Variants in LRRC36 observed in about 807,000 individuals in gnomAD.
LRRC36 encodes leucine-rich repeat-containing protein 36.
Under a neutral mutation model 81.1 loss-of-function variants are expected in LRRC36, and 62 were observed. The observed-to-expected ratio is 0.76, with a 90% confidence interval of 0.62 to 0.94. LRRC36 has a LOEUF of 0.94. Among genes scored for constraint, LRRC36 ranks in the 40% least tolerant of loss-of-function variants. The pLI, the probability that LRRC36 is intolerant of heterozygous loss-of-function variation, is 0.00. For synonymous variants in LRRC36, 334 were observed against 348.6 expected (o/e 0.96, Z 0.47); for missense variants, 761 against 881.7 (o/e 0.86, Z 1.73).
At chr16:67,335,384 C>T (rs1034265806) in intron 1 of LRRC36, among the ~76,000 whole-genome samples, 14 of 152,162 alleles carry the variant, frequency 9.2e-5, no homozygotes, top group African/African-American at 2.2e-4. Flanking sequence ...CCTGGCTCAC[C>T]GGCAATCAGA....
intron 12 of LRRC36, 81 bp downstream of exon 12, chr16:67,378,793 C>A: frequency 6.7e-7 from 1 of 1,490,098 alleles, no homozygotes; most frequent in Non-Finnish European, 9.1e-7. Context: ...TAACCTTCAT[C>A]ATGCTAGCTC....
At chr16:67,366,587 T>G (rs2039400904) in intron 7 of LRRC36, among the ~76,000 whole-genome samples, 1 of 151,794 alleles carries the variant, frequency 6.6e-6, no homozygotes, top group Non-Finnish European at 1.5e-5. Flanking sequence ...CCATCTCTAC[T>G]AAAAATACAA....
chr16:67,382,136 ATCT>A lies in LRRC36; in HGVS notation c.1938_1940del (p.Leu647del). 1 of 1,609,950 alleles carries A rather than the reference ATCT, an allele frequency of 6.2e-7. No individual in the cohort carries two copies. The highest frequency in any genetic ancestry group is 1.3e-5 in the African/African-American group (1 of 74,940). ...CTGGCTACTGTGCCCTTTGTAGATG[ATCT>A]TCTGCACAAAAACCAACAGCTGACC... is the stretch of plus-strand genomic sequence containing the variant. On this transcript the variant is annotated inframe_deletion, in exon 13 of 14. Transcript: ENST00000329956.
chr16:67,366,147 T>C (rs1253563202), intron 7 of LRRC36, among the ~76,000 whole-genome samples: 3 of 151,642 alleles, frequency 2.0e-5, no homozygotes, highest in Admixed American at 6.6e-5. Context: ...CCTTCTCTCT[T>C]TTTTTTTAAT....
intron 5 of LRRC36, among the ~76,000 whole-genome samples, chr16:67,361,797 C>T (rs1022626222): frequency 5.3e-5 from 8 of 151,662 alleles, no homozygotes; most frequent in Non-Finnish European, 1.2e-4. Context: ...GAACTCCTGA[C>T]CTCAGGTGAT....
At chr16:67,353,883 G>A (rs553256188) in intron 5 of LRRC36, among the ~76,000 whole-genome samples, 12 of 152,158 alleles carry the variant, frequency 7.9e-5, no homozygotes, top group Non-Finnish European at 1.6e-4. Context: ...ACATGATACT[G>A]CTTCACAGTC....
At chr16:67,366,741 C>A (rs2039412010) in intron 7 of LRRC36, among the ~76,000 whole-genome samples, 1 of 142,798 alleles carries the variant, frequency 7.0e-6, no homozygotes, top group South Asian at 2.1e-4. Context: ...CAGAGTGAGA[C>A]CCTGTCTCAA....
intron 8 of LRRC36, 29 bp from the exon 9 acceptor site, chr16:67,370,915 G>A: frequency 6.3e-7 from 1 of 1,593,692 alleles, no homozygotes; most frequent in East Asian, 2.2e-5. Flanking sequence ...CAGAGGGCAG[G>A]TTCATCTGTT....
At chr16:67,382,430 A>T (rs2040146615) in intron 13 of LRRC36, among the ~76,000 whole-genome samples, 183 bp downstream of exon 13, 1 of 152,212 alleles carries the variant, frequency 6.6e-6, no homozygotes, top group South Asian at 2.1e-4. Context: ...AGGACACATC[A>T]GGGACTAATC....
At position 67,341,096 on chromosome 16, in the gene LRRC36, ATG is replaced by A. The variant is rs1166025096; in HGVS notation, c.71-859_71-858del. ...ATGTACTCTACATATTCTATAGAATATGTACTCTACATATTCTATAGAATATG... is the reference window on the plus strand; with the variant it reads ...ATGTACTCTACATATTCTATAGAATATACTCTACATATTCTATAGAATATG... On this transcript the variant is annotated intron_variant, in intron 1 of 13. Transcript: ENST00000329956. 7.7e-3 allele frequency among the ~76,000 whole-genome samples: 834 copies of A among 109,006 alleles called. 134 individuals are homozygous for A. Among genetic ancestry groups the A allele is most frequent in the African/African-American group, 0.033 (793 of 23,818 alleles). 71.5% of individuals were successfully genotyped at this position (109,006 alleles called of 152,430 possible). A position where few individuals can be genotyped will look rare whatever the true frequency, so the allele number is the denominator to read the frequency against.
At chr16:67,339,807 A>G (rs1337297154) in intron 1 of LRRC36, among the ~76,000 whole-genome samples, 1 of 152,048 alleles carries the variant, frequency 6.6e-6, no homozygotes, top group Admixed American at 6.6e-5. Flanking sequence ...TCTCCGTGGT[A>G]TGGGTCTTGT....
intron 5 of LRRC36, among the ~76,000 whole-genome samples, chr16:67,353,606 C>A (rs981076012): frequency 2.6e-5 from 4 of 152,064 alleles, no homozygotes; most frequent in African/African-American, 9.7e-5. Context: ...AGGCTGGTCT[C>A]GAACTCCTGG....
intron 3 of LRRC36, 72 bp from the exon 4 acceptor site, chr16:67,347,423 T>G: frequency 3.8e-6 from 6 of 1,595,708 alleles, no homozygotes; most frequent in Non-Finnish European, 5.1e-6. Context: ...GCGAATATGG[T>G]TTTCTGATTA....
At chr16:67,328,448 G>C (rs541728088) in intron 1 of LRRC36, among the ~76,000 whole-genome samples, 1 of 152,270 alleles carries the variant, frequency 6.6e-6, no homozygotes, top group South Asian at 2.1e-4. Flanking sequence ...AGGAGGCGGA[G>C]CTTGCAGTGA....
chr16:67,359,137 G>A (rs935012719), intron 5 of LRRC36, among the ~76,000 whole-genome samples: 3 of 152,148 alleles, frequency 2.0e-5, no homozygotes, highest in African/African-American at 4.8e-5. Flanking sequence ...GTTAAACATA[G>A]AGTTAAATTT....
chr16:67,379,233 G>A (rs1435039999), intron 12 of LRRC36, among the ~76,000 whole-genome samples: 2 of 151,990 alleles, frequency 1.3e-5, no homozygotes, highest in African/African-American at 2.4e-5. Flanking sequence ...GACCAGTCTG[G>A]GAAACATAGT....
chr16:67,380,473 A>G (rs540301821), intron 12 of LRRC36, among the ~76,000 whole-genome samples: 1 of 152,356 alleles, frequency 6.6e-6, no homozygotes, highest in African/African-American at 2.4e-5. Flanking sequence ...TATGTTAGAT[A>G]AAGTTTGCGC....
chr16:67,371,383 G>A, intron 9 of LRRC36, 141 bp downstream of exon 9: 1 of 987,370 alleles, frequency 1.0e-6, no homozygotes, highest in Non-Finnish European at 1.6e-6. Context: ...GGCTAATACT[G>A]CCAAGCTAAC....
chr16:67,385,106 A>C lies in LRRC36; in HGVS notation c.*17A>C. 1 of 1,594,002 alleles carries C rather than the reference A, an allele frequency of 6.3e-7. No individual in the cohort carries two copies. The highest frequency in any genetic ancestry group is 8.6e-7 in the Non-Finnish European group (1 of 1,162,972). On this transcript the variant is annotated 3_prime_UTR_variant, in exon 14 of 14. Transcript: ENST00000329956. ...GGCTTATAGAGCTAGCATGGAACTCACACCACAGCTTCCCTGGTCCACAGA... is the reference window on the plus strand; with the variant it reads ...GGCTTATAGAGCTAGCATGGAACTCCCACCACAGCTTCCCTGGTCCACAGA...
Sources: gnomAD v4.1 joint callset for allele counts (sites outside exome capture counted in the v4.1 genomes callset) on GRCh38, gnomAD v4.1.1 for gene constraint, MANE v1.5 for transcripts, NCBI Gene and HGNC (gene_info 2026-07-23, HGNC 2026-07-21) for gene names.